NUP153: variants seen among roughly 807,000 people sequenced by gnomAD.
The protein encoded by NUP153 is nuclear pore complex protein Nup153.
NUP153 carries 27 observed loss-of-function variants against 134.6 expected under a neutral mutation model. The ratio of observed to expected loss-of-function variants is 0.20; its 90% CI spans 0.15 to 0.28. The LOEUF (loss-of-function observed/expected upper bound fraction) is 0.28. Ranked by LOEUF, NUP153 falls within the 10% of genes least tolerant of loss-of-function variation. NUP153 has a pLI of 1.00. For missense variants in NUP153, 1,821 were observed against 1,731.3 expected, an observed-to-expected ratio of 1.05 and a Z score of -0.92; for synonymous variants, 640 against 623.5, an observed-to-expected ratio of 1.03 and a Z score of -0.40.
intron 1 of NUP153, among the ~76,000 whole-genome samples, chr6:17,702,931 G>A (rs973353088): frequency 1.3e-5 from 2 of 152,076 alleles, no homozygotes; most frequent in Non-Finnish European, 2.9e-5. Flanking sequence ...CGGGCGCGGT[G>A]GCTCACGCCT....
At chr6:17,693,433 C>G (rs1769409959) in intron 1 of NUP153, among the ~76,000 whole-genome samples, 1 of 152,104 alleles carries the variant, frequency 6.6e-6, no homozygotes, top group African/African-American at 2.4e-5. Context: ...CCAAAACTAC[C>G]ACTCCAGCAC....
intron 11 of NUP153, among the ~76,000 whole-genome samples, chr6:17,649,763 T>C (rs1490295326): frequency 6.6e-6 from 1 of 152,186 alleles, no homozygotes; most frequent in East Asian, 1.9e-4. Flanking sequence ...TATTTTATTG[T>C]TGTTGTTAAT....
In NUP153 at chr6:17,675,090, G is replaced by A; in HGVS notation, c.724-57C>T. 1 of 1,596,310 alleles carries A rather than the reference G, an allele frequency of 6.3e-7. No homozygotes were observed. Among genetic ancestry groups the A allele is most frequent in the Non-Finnish European group, 8.6e-7 (1 of 1,167,842 alleles). ...CATATGAACCCAGGAGGTGGAGGTT[G>A]CAGTGAGTTAAGATCATGCTGCTAC... On this transcript the variant is annotated intron_variant, in intron 4 of 21. Coordinates refer to ENST00000262077, the MANE Select transcript of NUP153 (RefSeq NM_005124.4). The surrounding 1 kb of genome is among the most constrained non-coding windows in gnomAD (Gnocchi z 4.4).
In NUP153 at chr6:17,706,451, G is replaced by A; in HGVS notation, c.-64C>T. 3 of 1,266,256 alleles carry A rather than the reference G, an allele frequency of 2.4e-6. No individual in the cohort carries two copies. Among genetic ancestry groups the A allele is most frequent in the South Asian group, 1.2e-5 (1 of 80,880 alleles). The allele number at this position is 1,266,256 out of a possible 1,614,324, so 78.4% of individuals were successfully genotyped here. ...GGGGGCGGGAGAGGCAGAGGCGGAG[G>A]CCTTAGAGAGCCTCCCCCGCCGCCC... On this transcript the variant is annotated 5_prime_UTR_variant, in exon 1 of 22. Coordinates refer to ENST00000262077, the MANE Select transcript of NUP153 (RefSeq NM_005124.4). The surrounding 1 kb of genome is among the most constrained non-coding windows in gnomAD (Gnocchi z 5.9).
intron 18 of NUP153, among the ~76,000 whole-genome samples, 153 bp from the exon 19 acceptor site, chr6:17,626,317 T>C (rs1489924372): frequency 6.6e-6 from 1 of 152,206 alleles, no homozygotes; most frequent in African/African-American, 2.4e-5. Flanking sequence ...TGGACATCTG[T>C]TTATATTAGA....
At chr6:17,695,228 T>A (rs191184677) in intron 1 of NUP153, among the ~76,000 whole-genome samples, 1 of 152,202 alleles carries the variant, frequency 6.6e-6, no homozygotes, top group Non-Finnish European at 1.5e-5. Flanking sequence ...TAGTCACTTA[T>A]AAAAGGACTA....
At chr6:17,653,727 G>T (rs1259428826) in intron 11 of NUP153, among the ~76,000 whole-genome samples, 1 of 152,132 alleles carries the variant, frequency 6.6e-6, no homozygotes, top group Non-Finnish European at 1.5e-5. Context: ...TTGCCTCTGG[G>T]GTAGGAGGTG....
Position 17,628,829 on chromosome 6 carries a change from T to C in NUP153, c.3370A>G (p.Asn1124Asp), listed in dbSNP as rs1416787617. 1 of 1,614,108 alleles carries C rather than the reference T, an allele frequency of 6.2e-7. No homozygotes were observed. The highest frequency in any genetic ancestry group is 8.5e-7 in the Non-Finnish European group (1 of 1,180,040). The stretch of plus-strand genomic sequence containing the variant: ...ACTGGTTGACACTTTGGCTCTTCAT[T>C]GTCAGCTTTCTTCCCAAAAACTAGG... ...TSLVFGKKAD[N>D]EEPKCQPVFS... is the part of the protein sequence containing the mutation. Residue 1124 changes from asparagine to aspartate, a missense_variant, in exon 18 of 22, where the codon AAT (asparagine) becomes GAT (aspartate). By Grantham distance (23) the Asn-to-Asp change is conservative. Transcript: ENST00000262077. The surrounding 1 kb of genome is among the most constrained non-coding windows in gnomAD (Gnocchi z 5.4).
At chr6:17,686,054 G>A (rs1768901540) in intron 2 of NUP153, among the ~76,000 whole-genome samples, 1 of 151,978 alleles carries the variant, frequency 6.6e-6, no homozygotes, top group Non-Finnish European at 1.5e-5. Flanking sequence ...AGGCTGAGGT[G>A]GGAGGATCGC....
chr6:17,616,775 A>C (rs1171462310), intron 20 of NUP153, 80 bp from the exon 21 acceptor site: 2 of 1,351,284 alleles, frequency 1.5e-6, no homozygotes, highest in African/African-American at 1.4e-5. Flanking sequence ...TTTGAGACGG[A>C]GTCTCGCTCT....
At chr6:17,616,243 A>C (rs970250527) in intron 21 of NUP153, 62 bp from the exon 22 acceptor site, 84 of 882,368 alleles carry the variant, frequency 9.5e-5, no homozygotes, top group Non-Finnish European at 1.2e-4. Flanking sequence ...CCAAATGCTA[A>C]CATTTACCAT....
chr6:17,655,263 A>C (rs1216123568), intron 11 of NUP153, among the ~76,000 whole-genome samples: 1 of 152,182 alleles, frequency 6.6e-6, no homozygotes, highest in African/African-American at 2.4e-5. Context: ...CCAAATGGGT[A>C]ATTTTACATA....
chr6:17,616,595 TGCA>T lies in NUP153; in HGVS notation c.4272_4274del (p.Ala1426del). Reference sequence around the variant, plus strand: ...CCGAGCCTGAAGGCTGGGCTGAGGCTGCAGGTGTGCTAGAATTTGCACCAAATG... The same window carrying T: ...CCGAGCCTGAAGGCTGGGCTGAGGCTGGTGTGCTAGAATTTGCACCAAATG... On this transcript the variant is annotated inframe_deletion, in exon 21 of 22. Transcript: ENST00000262077. The T allele has an allele frequency of 6.2e-7, 1 of 1,614,220 alleles. No homozygotes were observed. The highest frequency in any genetic ancestry group is 8.5e-7 in the Non-Finnish European group (1 of 1,180,020).
intron 5 of NUP153, among the ~76,000 whole-genome samples, chr6:17,671,062 C>A (rs534562326): frequency 6.6e-6 from 1 of 152,164 alleles, no homozygotes; most frequent in African/African-American, 2.4e-5. Context: ...CTAAGGCCTT[C>A]CAAAGTGCTG....
At chr6:17,646,510 T>C (rs1000698910) in intron 13 of NUP153, among the ~76,000 whole-genome samples, 4 of 151,836 alleles carry the variant, frequency 2.6e-5, no homozygotes, top group African/African-American at 9.7e-5. Context: ...CTGGCCCAAA[T>C]ATAGAGGTTA....
intron 11 of NUP153, among the ~76,000 whole-genome samples, chr6:17,653,515 G>A (rs185435246): frequency 3.3e-5 from 5 of 152,270 alleles, no homozygotes; most frequent in African/African-American, 1.2e-4. Context: ...TGGCTCCTTA[G>A]AAAGTTAAAC....
At chr6:17,644,912 T>C (rs1766065019) in intron 14 of NUP153, among the ~76,000 whole-genome samples, 1 of 152,088 alleles carries the variant, frequency 6.6e-6, no homozygotes, top group South Asian at 2.1e-4. Context: ...GTTGAAACCC[T>C]GTCTCTATTA....
intron 5 of NUP153, among the ~76,000 whole-genome samples, chr6:17,671,272 A>C (rs1767891762): frequency 6.6e-6 from 1 of 151,914 alleles, no homozygotes; most frequent in Admixed American, 6.6e-5. Flanking sequence ...CTGTCTTCTA[A>C]TGTCTTTGTC....
At chr6:17,694,451 G>C (rs2113857566) in intron 1 of NUP153, among the ~76,000 whole-genome samples, 1 of 152,270 alleles carries the variant, frequency 6.6e-6, no homozygotes, top group South Asian at 2.1e-4. Flanking sequence ...CTGAGGTCAA[G>C]AGTTCAAGAC....
Sources: gnomAD v4.1 joint callset for allele counts (sites outside exome capture counted in the v4.1 genomes callset) on GRCh38, gnomAD v4.1.1 for gene constraint, Gnocchi (gnomAD v3.1) non-coding constraint, MANE v1.5 for transcripts, NCBI Gene and HGNC (gene_info 2026-07-23, HGNC 2026-07-21) for gene names.